Variants in SPATA16 observed in about 807,000 individuals in gnomAD.
SPATA16 encodes spermatogenesis-associated protein 16.
SPATA16 carries 36 observed loss-of-function variants against 63.3 expected under a neutral mutation model. The observed-to-expected ratio is 0.57, with a 90% CI of 0.44 to 0.75. SPATA16 has a LOEUF of 0.75. SPATA16 is among the 30% of genes least tolerant of loss of function. SPATA16 has a pLI of 0.00. For missense variants in SPATA16, 646 were observed against 679.3 expected (o/e 0.95, Z 0.54); for synonymous variants, 203 against 216.7 (o/e 0.94, Z 0.56).
At chr3:172,956,980 T>G (rs1733612058) in intron 5 of SPATA16, among the ~76,000 whole-genome samples, 156 bp from the exon 6 acceptor site, 1 of 152,138 alleles carries the variant, frequency 6.6e-6, no homozygotes, top group South Asian at 2.1e-4. Context: ...AGAACAAAAT[T>G]TTAATTAGTT....
intron 4 of SPATA16, among the ~76,000 whole-genome samples, chr3:172,993,269 G>A (rs1186692534): frequency 6.6e-6 from 1 of 151,568 alleles, no homozygotes; most frequent in Non-Finnish European, 1.5e-5. Flanking sequence ...TATTCAATAA[G>A]GTTAAGCTCA....
At chr3:173,130,372 A>AAAAG (rs1738344117) in intron 1 of SPATA16, among the ~76,000 whole-genome samples, 1 of 151,442 alleles carries the variant, frequency 6.6e-6, no homozygotes, top group Admixed American at 6.6e-5. Flanking sequence ...AAAAAAAAAA[A>AAAAG]AAAAAAAAAA....
intron 7 of SPATA16, 30 bp downstream of exon 7, chr3:172,925,316 T>C: frequency 1.9e-6 from 3 of 1,613,396 alleles, no homozygotes; most frequent in Non-Finnish European, 2.5e-6. Flanking sequence ...GGCTACTATA[T>C]GCTAGACCTT....
intron 4 of SPATA16, among the ~76,000 whole-genome samples, chr3:172,980,924 C>A (rs1048883892): frequency 6.6e-6 from 1 of 152,196 alleles, no homozygotes; most frequent in African/African-American, 2.4e-5. Context: ...TTTTCTCTTC[C>A]TGTTGTCTCT....
At position 172,889,994 on chromosome 3, in the gene SPATA16, G is replaced by A. The variant is rs372414768; in HGVS notation, c.1588-302C>T. ...AGTTTTTAATGGTCAGTAAAACCAG[G>A]GATTTCAAAGGAAAGTGAATGGTAA... On this transcript the variant is annotated intron_variant, in intron 10 of 10. Transcript: ENST00000351008. Among the ~76,000 whole-genome samples the A allele has an allele frequency of 4.6e-5, 7 of 152,220 alleles. No individual in the cohort carries two copies. In the South Asian group the frequency reaches 1.0e-3, roughly 23 times the overall value.
At chr3:173,126,987 T>C (rs548636575) in intron 1 of SPATA16, among the ~76,000 whole-genome samples, 1 of 152,334 alleles carries the variant, frequency 6.6e-6, no homozygotes, top group Non-Finnish European at 1.5e-5. Context: ...AGTTAATTAT[T>C]CTCAAACATG....
chr3:173,088,073 TC>T (rs1737122106), intron 2 of SPATA16, among the ~76,000 whole-genome samples: 3 of 136,326 alleles, frequency 2.2e-5, no homozygotes, highest in African/African-American at 5.7e-5. Context: ...TTTCTTTCTT[TC>T]TTTCTGTCTT....
intron 2 of SPATA16, among the ~76,000 whole-genome samples, chr3:173,082,198 A>G (rs1032524108): frequency 6.6e-6 from 1 of 152,178 alleles, no homozygotes; most frequent in Non-Finnish European, 1.5e-5. Context: ...AGGAAGGCCC[A>G]CATCCCATAT....
At position 173,105,173 on chromosome 3, in the gene SPATA16, A is replaced by C. The variant is rs115664027; in HGVS notation, c.612+11947T>G. Among the ~76,000 whole-genome samples, 317 of 152,330 alleles carry C rather than the reference A, an allele frequency of 2.1e-3. 2 individuals are homozygous for C. The highest frequency in any genetic ancestry group is 7.2e-3 in the African/African-American group (299 of 41,570). On this transcript the variant is annotated intron_variant, in intron 2 of 10. Transcript: ENST00000351008. Reference sequence around the variant, plus strand: ...AAAGACTAATTGTGCCAATACATAAAATTTTGCAGTAAAAATTATGCTTGC... The same window carrying C: ...AAAGACTAATTGTGCCAATACATAACATTTTGCAGTAAAAATTATGCTTGC...
At chr3:173,036,353 G>A (rs1163340542) in intron 3 of SPATA16, among the ~76,000 whole-genome samples, 1 of 151,998 alleles carries the variant, frequency 6.6e-6, no homozygotes, top group East Asian at 1.9e-4. Context: ...GAGCTTGACA[G>A]TCACCTAATG....
chr3:173,110,585 G>A (rs1398680617), intron 2 of SPATA16, among the ~76,000 whole-genome samples: 1 of 152,186 alleles, frequency 6.6e-6, no homozygotes, highest in Non-Finnish European at 1.5e-5. Flanking sequence ...ACTTGTACAT[G>A]AATTTAGATT....
Position 173,064,911 on chromosome 3 carries a change from C to A in SPATA16, c.613-15817G>T, listed in dbSNP as rs76158241. Among the ~76,000 whole-genome samples, 403 of 152,270 alleles carry A rather than the reference C, an allele frequency of 2.6e-3. 11 individuals are homozygous for A. In the East Asian group the frequency reaches 0.07, roughly 27 times the overall value. ...TACAAGCAGAGGAATACATCTATTT[C>A]TCTAAGAATTTCTTTTCTAAATTTC... On this transcript the variant is annotated intron_variant, in intron 2 of 10. Transcript: ENST00000351008.
At chr3:173,041,636 C>T (rs924483851) in intron 3 of SPATA16, among the ~76,000 whole-genome samples, 3 of 152,126 alleles carry the variant, frequency 2.0e-5, no homozygotes, top group Non-Finnish European at 2.9e-5. Context: ...AACTGGCACC[C>T]GCAATGTTCC....
chr3:173,083,721 T>TAAGTGAAA (rs1025511868), intron 2 of SPATA16, among the ~76,000 whole-genome samples: 1 of 152,188 alleles, frequency 6.6e-6, no homozygotes, highest in African/African-American at 2.4e-5. Context: ...CTCCAACTTA[T>TAAGTGAAA]AAGTGAAAAC....
At chr3:172,973,212 T>G (rs1478484603) in intron 5 of SPATA16, among the ~76,000 whole-genome samples, 2 of 152,184 alleles carry the variant, frequency 1.3e-5, no homozygotes, top group Non-Finnish European at 2.9e-5. Context: ...ATTCTGACTG[T>G]GTATAGGAGA....
chr3:173,076,370 A>G (rs1244597221), intron 2 of SPATA16, among the ~76,000 whole-genome samples: 5 of 151,520 alleles, frequency 3.3e-5, no homozygotes, highest in African/African-American at 4.9e-5. Context: ...CCGTTACACC[A>G]GGTCTGAAAT....
intron 4 of SPATA16, among the ~76,000 whole-genome samples, chr3:172,977,285 C>G (rs938929974): frequency 6.6e-6 from 1 of 152,010 alleles, no homozygotes; most frequent in Non-Finnish European, 1.5e-5. Context: ...TATTTGTCTT[C>G]TAGGTGCTTT....
chr3:172,899,055 T>C (rs1338079570), intron 10 of SPATA16, among the ~76,000 whole-genome samples: 1 of 152,016 alleles, frequency 6.6e-6, no homozygotes, highest in Non-Finnish European at 1.5e-5. Flanking sequence ...TGATTTCAGT[T>C]TTTAGAAATT....
intron 2 of SPATA16, among the ~76,000 whole-genome samples, chr3:173,110,925 G>A (rs1237571420): frequency 6.6e-6 from 1 of 152,158 alleles, no homozygotes. Context: ...CATCATTTGG[G>A]AACTTATTTG....
Sources: allele counts gnomAD v4.1 joint callset (sites outside exome capture counted in the v4.1 genomes callset), GRCh38; gene constraint gnomAD v4.1.1; transcripts MANE v1.5; gene names NCBI Gene and HGNC (gene_info 2026-07-23, HGNC 2026-07-21).